The following VPS54 variants were observed in gnomAD, a reference collection of about 807,000 sequenced individuals.
VPS54 encodes the protein VPS54 subunit of GARP complex, also known as vacuolar protein sorting-associated protein 54.
In VPS54, 45 loss-of-function variants were observed where a neutral mutation model predicts 121.5. That is an observed-to-expected ratio of 0.37 (90% CI 0.29 to 0.47). The LOEUF (loss-of-function observed/expected upper bound fraction) is 0.47. Among genes scored for constraint, VPS54 ranks in the 20% least tolerant of loss-of-function variants. The pLI is 0.99. For synonymous variants in VPS54, 371 were observed against 385.8 expected, an observed-to-expected ratio of 0.96 and a Z score of 0.45; for missense variants, 1,090 against 1,131.4, an observed-to-expected ratio of 0.96 and a Z score of 0.52.
intron 18 of VPS54, 91 bp downstream of exon 18, chr2:63,913,132 C>A: frequency 9.6e-7 from 1 of 1,037,208 alleles, no homozygotes; most frequent in Non-Finnish European, 1.4e-6. Context: ...TTGGTTAGAG[C>A]CATGAAAACA....
chr2:63,946,049 A>C (rs1170483617), intron 9 of VPS54, among the ~76,000 whole-genome samples: 1 of 152,078 alleles, frequency 6.6e-6, no homozygotes, highest in African/African-American at 2.4e-5. Flanking sequence ...CCTACCAGTT[A>C]CTACTTCCTC....
intron 7 of VPS54, among the ~76,000 whole-genome samples, chr2:63,958,758 T>G (rs1675615571): frequency 6.6e-6 from 1 of 152,036 alleles, no homozygotes; most frequent in Non-Finnish European, 1.5e-5. Context: ...CAAAGAACAG[T>G]ATAGCCAAAA....
intron 20 of VPS54, among the ~76,000 whole-genome samples, chr2:63,900,529 T>A (rs946253922): frequency 7.2e-5 from 11 of 152,208 alleles, no homozygotes; most frequent in Admixed American, 3.3e-4. Context: ...AAGACAAATT[T>A]GGGCTAAATA....
In VPS54 at chr2:63,962,107, T is replaced by C. The variant is rs1423823360; in HGVS notation, c.961A>G (p.Thr321Ala). The change falls in exon 7 of 23, where the codon ACA becomes GCA. Residue 321 changes from threonine (T) to alanine (A), a missense_variant. Thr to Ala is a moderately conservative substitution (Grantham distance 58). Around this residue, in one of 2 missense-constraint regions of VPS54, gnomAD observed 801 missense variants for 757.0 expected, o/e 1.06. Transcript: ENST00000272322. ...EFVGALDLIA[T>A]TQEVLQQELQ... Reference sequence around the variant, plus strand: ...TCCTGCTGTAGAACCTCTTGTGTTGTTGCTATTAAGTCCAATGCTCCAACA... The same window carrying C: ...TCCTGCTGTAGAACCTCTTGTGTTGCTGCTATTAAGTCCAATGCTCCAACA... 3 of 1,599,772 alleles carry C rather than the reference T, an allele frequency of 1.9e-6. No homozygotes were observed. The highest frequency in any genetic ancestry group is 2.2e-5 in the South Asian group (2 of 90,630).
At chr2:63,953,716 T>C (rs989951146) in intron 7 of VPS54, among the ~76,000 whole-genome samples, 4 of 152,182 alleles carry the variant, frequency 2.6e-5, no homozygotes, top group African/African-American at 7.2e-5. Flanking sequence ...GATGGATAGA[T>C]AGATACAAAC....
At position 63,969,028 on chromosome 2, in the gene VPS54, T is replaced by G. The variant is rs747065588; in HGVS notation, c.458-37A>C. Reference sequence around the variant, plus strand: ...AGAAGGGAAATATTATTTTTAAAACTTGTTTTCATTTTAACTCCGTAAAAT... The same window carrying G: ...AGAAGGGAAATATTATTTTTAAAACGTGTTTTCATTTTAACTCCGTAAAAT... On this transcript the variant is annotated intron_variant, in intron 4 of 22. Transcript: ENST00000272322. 39 of 1,533,058 alleles carry G rather than the reference T, an allele frequency of 2.5e-5. No individual in the cohort carries two copies. The Admixed American group carries it at 5.5e-4, about 22-fold the overall frequency. The allele number at this position is 1,533,058 out of a possible 1,614,324, so 95.0% of individuals were successfully genotyped here. A position where few individuals can be genotyped will look rare whatever the true frequency, so the allele number is the denominator to read the frequency against.
chr2:63,962,640 T>C (rs1236577875), intron 6 of VPS54, among the ~76,000 whole-genome samples, 197 bp from the exon 7 acceptor site: 1 of 152,148 alleles, frequency 6.6e-6, no homozygotes, highest in East Asian at 1.9e-4. Flanking sequence ...GATATAAATG[T>C]AAGACAAAAG....
intron 1 of VPS54, among the ~76,000 whole-genome samples, chr2:64,007,048 C>G (rs1259252267): frequency 6.6e-6 from 1 of 152,192 alleles, no homozygotes; most frequent in African/African-American, 2.4e-5. Flanking sequence ...TTGAGCATTC[C>G]TAATCCTGGA....
At chr2:63,930,095 C>CT (rs149764658) in intron 12 of VPS54, among the ~76,000 whole-genome samples, 11,370 of 152,222 alleles carry the variant, frequency 0.075, 845 homozygotes, top group African/African-American at 0.2. Context: ...CGAGGAAGAG[C>CT]TAGTACCATT....
intron 12 of VPS54, among the ~76,000 whole-genome samples, chr2:63,927,154 G>A (rs1673944349): frequency 6.6e-6 from 1 of 152,172 alleles, no homozygotes; most frequent in Non-Finnish European, 1.5e-5. Context: ...AGAGAGCTGT[G>A]GTTCTCCCAG....
chr2:63,920,015 AAAG>A lies in VPS54; in HGVS notation c.2052-23_2052-21del, dbSNP rs1673566710. 6 of 1,585,704 alleles carry A rather than the reference AAAG, an allele frequency of 3.8e-6. No individual in the cohort carries two copies. The African/African-American group carries it at 5.4e-5, about 14-fold the overall frequency. ...AGGAGGCTAGTCCACAGTAAGGAGAAAAGAAGGTAAACTTTAACATTTCAATAC... is the reference window on the plus strand; with the variant it reads ...AGGAGGCTAGTCCACAGTAAGGAGAAAAGGTAAACTTTAACATTTCAATAC... On this transcript the variant is annotated intron_variant, in intron 14 of 22. Coordinates refer to ENST00000272322, the MANE Select transcript of VPS54 (RefSeq NM_016516.3).
rs1050850523 is a variant in VPS54, at chr2:63,962,205, T to C, written c.863A>G (p.Asn288Ser). Reference sequence around the variant, plus strand: ...TACAGTGGCCATTAACTTCAGCTTATTGTATACTTTAACACAATTATTTCT... The same window carrying C: ...TACAGTGGCCATTAACTTCAGCTTACTGTATACTTTAACACAATTATTTCT... ...LTRNNCVKVY[N>S]KLKLMATVHQ... The change falls in exon 7 of 23, where the codon AAT (asparagine) becomes AGT (serine). Residue 288 changes from asparagine to serine, a missense_variant. Asn to Ser is a conservative substitution (Grantham distance 46). Transcript: ENST00000272322. The C allele has an allele frequency of 1.9e-6, 3 of 1,613,914 alleles. No individual in the cohort carries two copies. In the African/African-American group the frequency reaches 4.0e-5, roughly 22 times the overall value.
intron 1 of VPS54, among the ~76,000 whole-genome samples, chr2:64,002,047 T>C (rs57936760): frequency 0.072 from 11,035 of 152,268 alleles, 840 homozygotes; most frequent in African/African-American, 0.19. Context: ...AATTCCCCTC[T>C]GGCTAGGGCT....
intron 7 of VPS54, among the ~76,000 whole-genome samples, chr2:63,957,665 T>G (rs1675566531): frequency 6.6e-6 from 1 of 152,072 alleles, no homozygotes; most frequent in South Asian, 2.1e-4. Context: ...TACCCCCAAA[T>G]CCATTAGTAG....
intron 16 of VPS54, among the ~76,000 whole-genome samples, chr2:63,914,715 C>T (rs999948530): frequency 6.6e-6 from 1 of 151,982 alleles, no homozygotes; most frequent in Non-Finnish European, 1.5e-5. Context: ...AGTAGGTCCT[C>T]CATCATAACT....
chr2:63,969,284 C>T (rs111334833), intron 4 of VPS54, among the ~76,000 whole-genome samples: 29 of 152,276 alleles, frequency 1.9e-4, no homozygotes, highest in African/African-American at 6.5e-4. Flanking sequence ...CAGTGGTCCC[C>T]AACCCCTGGG....
At chr2:63,936,456 T>C (rs1019965713) in intron 11 of VPS54, among the ~76,000 whole-genome samples, 35 of 152,192 alleles carry the variant, frequency 2.3e-4, no homozygotes, top group African/African-American at 8.2e-4. Context: ...AAGCCAAATA[T>C]AATTTTCCAA....
At chr2:63,974,866 T>G (rs1007948257) in intron 3 of VPS54, 3 of 1,137,378 alleles carry the variant, frequency 2.6e-6, no homozygotes, top group Admixed American at 2.9e-5. Context: ...AGACGATCAT[T>G]TCATCTGGAA....
chr2:63,906,490 A>C lies in VPS54; in HGVS notation c.2625+5855T>G, dbSNP rs370705531. ...TTATCTGTTTACTGAAAAATACAAA[A>C]TTTTGATCAAAGAAATTAAAGATGT... On this transcript the variant is annotated intron_variant, in intron 20 of 22. Transcript: ENST00000272322. Among the ~76,000 whole-genome samples the C allele has an allele frequency of 2.8e-4, 43 of 152,366 alleles. No individual in the cohort carries two copies. In the East Asian group the frequency reaches 7.5e-3, roughly 27 times the overall value.
Sources: gnomAD v4.1 joint callset for allele counts (sites outside exome capture counted in the v4.1 genomes callset) on GRCh38, gnomAD v4.1.1 for gene constraint, gnomAD v4.1.1 regional missense constraint, MANE v1.5 for transcripts, NCBI Gene and HGNC (gene_info 2026-07-23, HGNC 2026-07-21) for gene names.